Variants in ZNF536 observed in about 807,000 individuals in gnomAD.
The protein encoded by ZNF536 is zinc finger protein 536.
A neutral mutation model predicts 84.5 loss-of-function variants in ZNF536; 13 were observed. That is an observed-to-expected ratio of 0.15 (90% CI 0.10 to 0.24). The LOEUF (loss-of-function observed/expected upper bound fraction) is 0.24, where lower values mean the gene tolerates loss of function less well. Among genes scored for constraint, ZNF536 ranks in the 10% least tolerant of loss-of-function variants. The pLI, the probability that ZNF536 is intolerant of heterozygous loss-of-function variation, is 1.00. For missense variants in ZNF536, 1,536 were observed against 1,747.5 expected, an observed-to-expected ratio of 0.88 and a Z score of 2.16; for synonymous variants, 811 against 742.5, an observed-to-expected ratio of 1.09 and a Z score of -1.50.
At chr19:30,634,828 G>T (rs564522814) in intron 1 of ZNF536, among the ~76,000 whole-genome samples, 2 of 152,144 alleles carry the variant, frequency 1.3e-5, no homozygotes, top group African/African-American at 4.8e-5. Flanking sequence ...GAGCCAAGCA[G>T]AGCCAGAGCC....
At chr19:30,337,241 C>T (rs907937902) in intron 2 of ZNF536, among the ~76,000 whole-genome samples, 6 of 152,146 alleles carry the variant, frequency 3.9e-5, no homozygotes, top group Non-Finnish European at 7.3e-5. Context: ...GCTCCCAGCC[C>T]GGCTGCCTGG....
chr19:30,471,981 G>C (rs189729759), intron 2 of ZNF536, among the ~76,000 whole-genome samples: 1 of 152,092 alleles, frequency 6.6e-6, no homozygotes, highest in Non-Finnish European at 1.5e-5. Flanking sequence ...TGGGCAAACC[G>C]AGGAGCTCCA....
At chr19:30,641,914 G>A (rs180880931) in intron 1 of ZNF536, among the ~76,000 whole-genome samples, 4 of 152,282 alleles carry the variant, frequency 2.6e-5, no homozygotes, top group Admixed American at 6.5e-5. Context: ...ATGGAAAAGC[G>A]ACTCTGATTG....
chr19:30,328,683 G>A lies in ZNF536; in HGVS notation c.-119-23685G>A, dbSNP rs191983941. Among the ~76,000 whole-genome samples, 23 of 152,334 alleles carry A rather than the reference G, an allele frequency of 1.5e-4. No individual in the cohort carries two copies. The East Asian group carries it at 4.4e-3, about 29-fold the overall frequency. ...TGTGATGATTCCACCCTATAGGAGGGAGAGATTTGCTGGACCCAATATCCA... is the reference window on the plus strand; with the variant it reads ...TGTGATGATTCCACCCTATAGGAGGAAGAGATTTGCTGGACCCAATATCCA... On this transcript the variant is annotated intron_variant, in intron 2 of 5. Coordinates refer to the ZNF536 transcript ENST00000585628.
chr19:30,441,857 A>T (rs914894833), intron 1 of ZNF536, among the ~76,000 whole-genome samples: 1 of 151,676 alleles, frequency 6.6e-6, no homozygotes, highest in African/African-American at 2.4e-5. Flanking sequence ...TGCAAGATAG[A>T]CTCCTCCTGC....
At chr19:30,524,759 C>T (rs1271466165) in intron 2 of ZNF536, among the ~76,000 whole-genome samples, 2 of 150,322 alleles carry the variant, frequency 1.3e-5, no homozygotes, top group Non-Finnish European at 3.0e-5. Flanking sequence ...ATCTTAAAAG[C>T]TATAGTGTTC....
chr19:30,378,285 C>T (rs1469453683), intron 1 of ZNF536, among the ~76,000 whole-genome samples: 1 of 152,166 alleles, frequency 6.6e-6, no homozygotes, highest in Non-Finnish European at 1.5e-5. Flanking sequence ...CTCAGCCTCT[C>T]AAGTAGCTGG....
Position 30,239,652 on chromosome 19 carries a change from A to G in ZNF536, c.-190+10979A>G, listed in dbSNP as rs571206452. ...GAATTATTTTGCTTCTTAAAATGCAATTAAGTCAAAGGCCTGGGAATTAGA... is the reference window on the plus strand; with the variant it reads ...GAATTATTTTGCTTCTTAAAATGCAGTTAAGTCAAAGGCCTGGGAATTAGA... On this transcript the variant is annotated intron_variant, in intron 1 of 5. Transcript: ENST00000585628. Among the ~76,000 whole-genome samples the G allele has an allele frequency of 4.6e-5, 7 of 152,338 alleles. No homozygotes were observed. The South Asian group carries it at 1.2e-3, about 27-fold the overall frequency.
intron 1 of ZNF536, among the ~76,000 whole-genome samples, chr19:30,566,259 A>G (rs1301005002): frequency 6.6e-6 from 1 of 152,136 alleles, no homozygotes; most frequent in East Asian, 1.9e-4. Context: ...GTGTGGGGGC[A>G]TCCTGGGTCT....
rs1032816229 is a variant in ZNF536 at position 30,445,671 on chromosome 19, C to A, written c.2109C>A (p.Gly703=). Residue 703 remains glycine (G), a synonymous_variant, in exon 2 of 5, where the codon GGC becomes GGA. Transcript: ENST00000355537. This position sits in a 1 kb window ranked among gnomAD's most constrained non-coding sequence, Gnocchi z 4.5. The part of the protein sequence containing the change: ...NVTEESGVGG[G]LSQTGSAQED... Reference sequence around the variant, plus strand: ...CCGAGGAGAGCGGGGTCGGAGGCGGCCTCTCCCAGACCGGGAGTGCCCAGG... The same window carrying A: ...CCGAGGAGAGCGGGGTCGGAGGCGGACTCTCCCAGACCGGGAGTGCCCAGG... 6.2e-7 allele frequency: 1 copy of A among 1,606,562 alleles called. No homozygotes were observed. The highest frequency in any genetic ancestry group is 1.1e-5 in the South Asian group (1 of 89,992).
chr19:30,686,615 A>G (rs2051194661), intron 1 of ZNF536, among the ~76,000 whole-genome samples: 1 of 152,150 alleles, frequency 6.6e-6, no homozygotes, highest in African/African-American at 2.4e-5. Flanking sequence ...TACCAAGATA[A>G]TTGAGGATAT....
At chr19:30,231,808 G>A (rs1371479599) in intron 1 of ZNF536, among the ~76,000 whole-genome samples, 1 of 152,142 alleles carries the variant, frequency 6.6e-6, no homozygotes, top group African/African-American at 2.4e-5. Context: ...GGTGATGTGT[G>A]TGTGTGTGTG....
intron 1 of ZNF536, among the ~76,000 whole-genome samples, chr19:30,385,683 G>A (rs541513213): frequency 3.3e-5 from 5 of 152,286 alleles, no homozygotes; most frequent in South Asian, 4.1e-4. Flanking sequence ...CCACCCCTGC[G>A]TCTTGGCTTT....
intron 1 of ZNF536, among the ~76,000 whole-genome samples, chr19:30,632,386 A>G (rs1245334736): frequency 6.6e-6 from 1 of 152,168 alleles, no homozygotes; most frequent in African/African-American, 2.4e-5. Context: ...CGGGAGGATC[A>G]CCTGAGGTCT....
intron 2 of ZNF536, among the ~76,000 whole-genome samples, chr19:30,449,016 G>T (rs1038956226): frequency 2.0e-5 from 3 of 152,172 alleles, no homozygotes; most frequent in Admixed American, 1.3e-4. Context: ...CAGAAAATGT[G>T]TTTGTTCTTT....
intron 1 of ZNF536, among the ~76,000 whole-genome samples, chr19:30,229,819 C>T (rs1312608463): frequency 1.3e-5 from 2 of 152,160 alleles, no homozygotes; most frequent in African/African-American, 4.8e-5. Context: ...ATTAACTTTT[C>T]CCCCCACTGA....
intron 1 of ZNF536, among the ~76,000 whole-genome samples, chr19:30,439,623 C>T (rs951087242): frequency 6.6e-6 from 1 of 152,210 alleles, no homozygotes; most frequent in African/African-American, 2.4e-5. Flanking sequence ...CGAGGAATCA[C>T]AGAGGATTCT....
At chr19:30,242,027 TA>T (rs1385780021) in intron 1 of ZNF536, among the ~76,000 whole-genome samples, 1 of 151,950 alleles carries the variant, frequency 6.6e-6, no homozygotes, top group African/African-American at 2.4e-5. Flanking sequence ...AGGGGACATC[TA>T]GTTGGGGCTG....
chr19:30,424,040 G>C (rs1390529245), intron 1 of ZNF536, among the ~76,000 whole-genome samples: 4 of 152,210 alleles, frequency 2.6e-5, no homozygotes, highest in Non-Finnish European at 5.9e-5. Flanking sequence ...GGCTGGCCCT[G>C]CTTGCTGTGA....
Sources: gnomAD v4.1 joint callset for allele counts (sites outside exome capture counted in the v4.1 genomes callset) on GRCh38, gnomAD v4.1.1 for gene constraint, Gnocchi (gnomAD v3.1) non-coding constraint, MANE v1.5 for transcripts, NCBI Gene and HGNC (gene_info 2026-07-23, HGNC 2026-07-21) for gene names.